ABI3BP: variants seen among roughly 807,000 people sequenced by gnomAD.
ABI3BP encodes the protein target of Nesh-SH3.
In ABI3BP, 216 loss-of-function variants were observed where a neutral mutation model predicts 268.6. The observed-to-expected ratio is 0.80, with a 90% confidence interval of 0.72 to 0.90. The LOEUF (loss-of-function observed/expected upper bound fraction) is 0.90. Among genes scored for constraint, ABI3BP ranks in the 40% least tolerant of loss-of-function variants. The pLI is 0.00. For synonymous variants in ABI3BP, 730 were observed against 730.0 expected (o/e 1.00, Z 0.00); for missense variants, 2,090 against 2,182.4 (o/e 0.96, Z 0.84).
chr3:100,927,613 C>T (rs903079748), intron 1 of ABI3BP, among the ~76,000 whole-genome samples: 3 of 152,016 alleles, frequency 2.0e-5, no homozygotes, highest in Admixed American at 6.6e-5. Context: ...TCTTACATGG[C>T]CAGAGTAGGA....
intron 58 of ABI3BP, chr3:100,778,617 A>G (rs1229778417): frequency 1.3e-5 from 6 of 451,042 alleles, no homozygotes; most frequent in Non-Finnish European, 2.3e-5. Flanking sequence ...CTCATTATAG[A>G]TGAATATACA....
At chr3:100,858,704 T>C (rs2098964855) in intron 14 of ABI3BP, among the ~76,000 whole-genome samples, 1 of 152,142 alleles carries the variant, frequency 6.6e-6, no homozygotes, top group African/African-American at 2.4e-5. Flanking sequence ...TACCCACAGG[T>C]AGGCTGTGGT....
At chr3:100,876,710 T>C in intron 6 of ABI3BP, 150 bp from the exon 7 acceptor site, 1 of 661,718 alleles carries the variant, frequency 1.5e-6, no homozygotes, top group Non-Finnish European at 2.6e-6. Context: ...CGGGGCGTGG[T>C]GGCTCACACC....
intron 10 of ABI3BP, among the ~76,000 whole-genome samples, chr3:100,865,991 A>T (rs544726044): frequency 6.6e-6 from 1 of 152,330 alleles, no homozygotes; most frequent in Admixed American, 6.5e-5. Context: ...GACCATATTC[A>T]CCTTGCTCTC....
At chr3:100,841,643 C>G (rs532248117) in intron 21 of ABI3BP, among the ~76,000 whole-genome samples, 74 of 152,148 alleles carry the variant, frequency 4.9e-4, no homozygotes, top group Admixed American at 1.4e-3. Context: ...AATCCCAGCA[C>G]TTTGAGAGGC....
intron 1 of ABI3BP, among the ~76,000 whole-genome samples, chr3:100,951,432 T>G (rs2074962543): frequency 6.6e-6 from 1 of 151,982 alleles, no homozygotes; most frequent in Admixed American, 6.6e-5. Context: ...GCTTTACAAT[T>G]AAGGCTACAA....
intron 1 of ABI3BP, among the ~76,000 whole-genome samples, chr3:100,955,836 T>C (rs1398756608): frequency 6.6e-6 from 1 of 152,122 alleles, no homozygotes; most frequent in Non-Finnish European, 1.5e-5. Flanking sequence ...AAAGCCATAC[T>C]TTCATTGAGT....
At chr3:100,755,393 C>T (rs1397431032) in intron 63 of ABI3BP, among the ~76,000 whole-genome samples, 1 of 152,150 alleles carries the variant, frequency 6.6e-6, no homozygotes. Context: ...CTAGTTGTAT[C>T]GCCTGGAACT....
Position 100,787,808 on chromosome 3 carries a change from A to G in ABI3BP, c.4088-6T>C, listed in dbSNP as rs2097094660. The G allele has an allele frequency of 6.6e-7, 1 of 1,509,774 alleles. No homozygotes were observed. Among genetic ancestry groups the G allele is most frequent in the African/African-American group, 1.4e-5 (1 of 72,022 alleles). 93.5% of individuals were successfully genotyped at this position (1,509,774 alleles called of 1,614,324 possible). On this transcript the variant is annotated splice_polypyrimidine_tract_variant and splice_region_variant and intron_variant, in intron 56 of 67. Coordinates refer to ENST00000471714, the MANE Select transcript of ABI3BP (RefSeq NM_001375547.2). ...TGTAGTTGTCCTATTCAGAACTAAA[A>G]TAAAGTGGGATATAAATAGTTCATT...
At chr3:100,827,385 C>G (rs547208898) in intron 34 of ABI3BP, among the ~76,000 whole-genome samples, 8 of 152,164 alleles carry the variant, frequency 5.3e-5, no homozygotes, top group Admixed American at 1.3e-4. Context: ...TTATTTCTAT[C>G]AGTGACAGGC....
At chr3:100,860,073 AAAAAAC>A (rs1258014852) in intron 14 of ABI3BP, among the ~76,000 whole-genome samples, 1 of 152,140 alleles carries the variant, frequency 6.6e-6, no homozygotes, top group South Asian at 2.1e-4. Flanking sequence ...ACTCCATCTC[AAAAAAC>A]AAAAACAAAA....
Position 100,874,928 on chromosome 3 carries a change from G to A in ABI3BP, c.823C>T (p.Leu275Phe). Residue 275 changes from leucine to phenylalanine, a missense_variant, in exon 9 of 68, where the codon CTT becomes TTT. Physicochemically the swap from Leu to Phe is conservative, Grantham distance 22 (BLOSUM62 0). Transcript: ENST00000471714. ...APLGGVILVH[L>F]IIPGLNETTV... ...GTTTCATTAAGACCTGGAATAATAA[G>A]GTGGACTGCAAGGAAATAGATGTAA... is the stretch of plus-strand genomic sequence containing the variant. 6.3e-7 allele frequency: 1 copy of A among 1,578,248 alleles called. No homozygotes were observed. The highest frequency in any genetic ancestry group is 8.7e-7 in the Non-Finnish European group (1 of 1,155,272).
At chr3:100,756,264 C>T (rs2095610901) in intron 63 of ABI3BP, among the ~76,000 whole-genome samples, 2 of 152,194 alleles carry the variant, frequency 1.3e-5, no homozygotes, top group Non-Finnish European at 2.9e-5. Flanking sequence ...GTGGCTCGTG[C>T]CTGTAATCCC....
At chr3:100,918,013 A>C (rs185564288) in intron 2 of ABI3BP, among the ~76,000 whole-genome samples, 1 of 152,156 alleles carries the variant, frequency 6.6e-6, no homozygotes, top group Non-Finnish European at 1.5e-5. Context: ...TTGAAGCTGA[A>C]GTTCTGGTAA....
chr3:100,933,118 A>G (rs1430416752), intron 1 of ABI3BP, among the ~76,000 whole-genome samples: 2 of 152,022 alleles, frequency 1.3e-5, no homozygotes, highest in African/African-American at 4.8e-5. Flanking sequence ...GAAAAGCTGC[A>G]AAATATTAAA....
At chr3:100,958,573 C>T (rs1213367553) in intron 1 of ABI3BP, among the ~76,000 whole-genome samples, 7 of 152,178 alleles carry the variant, frequency 4.6e-5, no homozygotes, top group African/African-American at 1.7e-4. Flanking sequence ...CTGGTTTCCA[C>T]TTAGGATGTA....
chr3:100,779,870 C>T (rs1284093283), intron 58 of ABI3BP, among the ~76,000 whole-genome samples: 1 of 152,144 alleles, frequency 6.6e-6, no homozygotes, highest in African/African-American at 2.4e-5. Context: ...TATGGTCCCT[C>T]AGAACATTAT....
At chr3:100,914,535 C>G (rs2057931556) in intron 2 of ABI3BP, 1 of 430,054 alleles carries the variant, frequency 2.3e-6, no homozygotes, top group Non-Finnish European at 4.6e-6. Context: ...AGGGAGCTCA[C>G]AGCTCATGTT....
At chr3:100,838,114 T>C (rs2098633063) in intron 26 of ABI3BP, 96 bp downstream of exon 26, 1 of 1,330,802 alleles carries the variant, frequency 7.5e-7, no homozygotes, top group Non-Finnish European at 1.0e-6. Flanking sequence ...GGTATTTGGA[T>C]TTCTATGATT....
Sources: gnomAD v4.1 joint callset for allele counts (sites outside exome capture counted in the v4.1 genomes callset) on GRCh38, gnomAD v4.1.1 for gene constraint, MANE v1.5 for transcripts, NCBI Gene and HGNC (gene_info 2026-07-23, HGNC 2026-07-21) for gene names.